NRG3: variants seen among roughly 807,000 people sequenced by gnomAD.
NRG3 encodes the protein neuregulin 3, also known as pro-neuregulin-3, membrane-bound isoform.
Under a neutral mutation model 66.9 loss-of-function variants are expected in NRG3, and 31 were observed. The observed-to-expected ratio is 0.46, with a 90% CI of 0.35 to 0.63. NRG3 has a LOEUF of 0.63. Ranked by LOEUF, NRG3 falls within the 20% of genes least tolerant of loss-of-function variation. The pLI is 0.00. For synonymous variants in NRG3, 393 were observed against 359.4 expected, an observed-to-expected ratio of 1.09 and a Z score of -1.06; for missense variants, 910 against 878.9, an observed-to-expected ratio of 1.04 and a Z score of -0.45.
At chr10:82,728,796 G>A (rs1271112567) in intron 2 of NRG3, among the ~76,000 whole-genome samples, 2 of 152,142 alleles carry the variant, frequency 1.3e-5, no homozygotes, top group African/African-American at 4.8e-5. Flanking sequence ...AGAAATCATG[G>A]GGGGTAGATG....
chr10:82,707,259 A>AT, intron 2 of NRG3, among the ~76,000 whole-genome samples: 1 of 151,572 alleles, frequency 6.6e-6, no homozygotes, highest in East Asian at 1.9e-4. Flanking sequence ...CAGTGTATGG[A>AT]TTTTTTTCTA....
intron 1 of NRG3, among the ~76,000 whole-genome samples, chr10:82,215,548 C>A (rs1295103370): frequency 6.6e-6 from 1 of 152,094 alleles, no homozygotes; most frequent in African/African-American, 2.4e-5. Flanking sequence ...CAGTTTTCTG[C>A]AGAATCATCT....
At chr10:82,951,370 G>A (rs1199798791) in intron 4 of NRG3, 99 bp from the exon 5 acceptor site, 1 of 852,756 alleles carries the variant, frequency 1.2e-6, no homozygotes, top group African/African-American at 1.7e-5. Flanking sequence ...CAAAAAGTTG[G>A]CTTTGAAAGA....
intron 2 of NRG3, among the ~76,000 whole-genome samples, chr10:82,492,413 G>C (rs1027152563): frequency 6.6e-6 from 1 of 152,120 alleles, no homozygotes; most frequent in African/African-American, 2.4e-5. Context: ...TGAAAATTAA[G>C]TAACACTCTC....
At chr10:82,247,560 AGTCCATTACAGG>A (rs2077298483) in intron 1 of NRG3, among the ~76,000 whole-genome samples, 1 of 152,184 alleles carries the variant, frequency 6.6e-6, no homozygotes, top group Non-Finnish European at 1.5e-5. Flanking sequence ...ACAAACCTTC[AGTCCATTACAGG>A]GTCCAAGTTG....
intron 1 of NRG3, among the ~76,000 whole-genome samples, chr10:82,209,516 C>T (rs2075294071): frequency 6.6e-6 from 1 of 152,100 alleles, no homozygotes; most frequent in South Asian, 2.1e-4. Context: ...ATCCCTATTT[C>T]CTGTAACTGG....
At chr10:82,221,175 C>G (rs1474468408) in intron 1 of NRG3, among the ~76,000 whole-genome samples, 1 of 149,902 alleles carries the variant, frequency 6.7e-6, no homozygotes, top group Non-Finnish European at 1.5e-5. Context: ...GTGGAGTAGG[C>G]TTGATTTGGA....
chr10:81,938,633 GTGTGTGTGCA>G (rs902305330), intron 1 of NRG3, among the ~76,000 whole-genome samples: 1 of 151,016 alleles, frequency 6.6e-6, no homozygotes, highest in African/African-American at 2.4e-5. Flanking sequence ...GTGTGTGTGT[GTGTGTGTGCA>G]TGCATGCATG....
chr10:82,044,868 C>A (rs957247377), intron 1 of NRG3, among the ~76,000 whole-genome samples: 1 of 151,980 alleles, frequency 6.6e-6, no homozygotes, highest in Non-Finnish European at 1.5e-5. Flanking sequence ...TTTCCAATTT[C>A]ATCCATGTCC....
chr10:82,779,371 T>C (rs1207420147), intron 3 of NRG3, among the ~76,000 whole-genome samples: 2 of 152,272 alleles, frequency 1.3e-5, no homozygotes, highest in Admixed American at 6.5e-5. Context: ...TTTCTCGTCT[T>C]ATCTCTATGC....
intron 4 of NRG3, among the ~76,000 whole-genome samples, chr10:82,938,988 G>A (rs1177856918): frequency 6.6e-6 from 1 of 152,080 alleles, no homozygotes. Context: ...CCACAGACTG[G>A]GATTATCTTA....
intron 2 of NRG3, among the ~76,000 whole-genome samples, chr10:82,693,091 T>C (rs775649165): frequency 1.3e-5 from 2 of 152,216 alleles, no homozygotes; most frequent in Non-Finnish European, 2.9e-5. Flanking sequence ...TTTTCACAAT[T>C]AATTATTGAC....
intron 3 of NRG3, among the ~76,000 whole-genome samples, chr10:82,826,894 C>A (rs1445226853): frequency 1.3e-5 from 2 of 151,972 alleles, no homozygotes; most frequent in African/African-American, 4.8e-5. Flanking sequence ...TGCACATGTA[C>A]CCCCTGCACC....
rs530855468 is a variant in NRG3 at position 82,436,821 on chromosome 10, C to T, written c.953+77953C>T. 8.5e-5 allele frequency among the ~76,000 whole-genome samples: 13 copies of T among 152,226 alleles called. No individual in the cohort carries two copies. The South Asian group carries it at 2.5e-3, about 29-fold the overall frequency. ...GCTTAGTTTTGCTGGATATGAAATTCTGGGTTGAAAATTATTTTCTTTAAG... is the reference window on the plus strand; with the variant it reads ...GCTTAGTTTTGCTGGATATGAAATTTTGGGTTGAAAATTATTTTCTTTAAG... On this transcript the variant is annotated intron_variant, in intron 2 of 8. Transcript: ENST00000372141.
chr10:81,901,518 A>G (rs1371338608), intron 1 of NRG3, among the ~76,000 whole-genome samples: 1 of 152,052 alleles, frequency 6.6e-6, no homozygotes, highest in African/African-American at 2.4e-5. Context: ...AATGAAAAAA[A>G]TTTGTCTGAG....
chr10:82,718,417 T>A (rs1309179096), intron 2 of NRG3, among the ~76,000 whole-genome samples: 3 of 152,228 alleles, frequency 2.0e-5, no homozygotes, highest in Non-Finnish European at 4.4e-5. Context: ...TACTTCTTGT[T>A]TAAAGCAACT....
intron 2 of NRG3, among the ~76,000 whole-genome samples, chr10:82,542,595 T>C (rs1024700102): frequency 6.6e-6 from 1 of 152,252 alleles, no homozygotes; most frequent in Non-Finnish European, 1.5e-5. Context: ...TTGGCAGATA[T>C]GACTTTAGTC....
At chr10:82,233,980 T>C (rs1487316005) in intron 1 of NRG3, among the ~76,000 whole-genome samples, 1 of 152,064 alleles carries the variant, frequency 6.6e-6, no homozygotes, top group South Asian at 2.1e-4. Flanking sequence ...TGTCACAGTA[T>C]CCCCCCATCA....
At position 82,354,188 on chromosome 10, in the gene NRG3, C is replaced by T. The variant is rs1589826631; in HGVS notation, c.824-4551C>T. On this transcript the variant is annotated intron_variant, in intron 1 of 8. Transcript: ENST00000372141. ...TAGCTGGGGTCACAGGCGTGCGCCACCATGCCCAAATAATTTATTATTATT... is the reference window on the plus strand; with the variant it reads ...TAGCTGGGGTCACAGGCGTGCGCCATCATGCCCAAATAATTTATTATTATT... Among the ~76,000 whole-genome samples, 10 of 149,232 alleles carry T rather than the reference C, an allele frequency of 6.7e-5. 4 individuals carry two copies. In the Admixed American group the frequency reaches 6.7e-4, roughly 10 times the overall value.
Sources: allele counts gnomAD v4.1 joint callset (sites outside exome capture counted in the v4.1 genomes callset), GRCh38; gene constraint gnomAD v4.1.1; transcripts MANE v1.5; gene names NCBI Gene and HGNC (gene_info 2026-07-23, HGNC 2026-07-21).